TTC27: variants seen among roughly 807,000 people sequenced by gnomAD.
TTC27 encodes tetratricopeptide repeat domain 27.
In TTC27, 79 loss-of-function variants were observed where a neutral mutation model predicts 115.9. The observed-to-expected ratio is 0.68, with a 90% CI of 0.57 to 0.82. The LOEUF is 0.82. Among genes scored for constraint, TTC27 ranks in the 40% least tolerant of loss-of-function variants. The pLI, the probability that TTC27 is intolerant of heterozygous loss-of-function variation, is 0.00. For missense variants in TTC27, 1,054 were observed against 993.1 expected (o/e 1.06, Z -0.82); for synonymous variants, 401 against 356.0 (o/e 1.13, Z -1.42).
intron 18 of TTC27, among the ~76,000 whole-genome samples, chr2:32,814,405 G>A (rs1671421900): frequency 6.6e-6 from 1 of 152,214 alleles, no homozygotes; most frequent in African/African-American, 2.4e-5. Context: ...GCGTATTTGA[G>A]TGGATGCCCA....
chr2:32,690,555 G>A (rs1476227837), intron 9 of TTC27, among the ~76,000 whole-genome samples: 3 of 152,178 alleles, frequency 2.0e-5, no homozygotes, highest in Non-Finnish European at 4.4e-5. Flanking sequence ...ACTAAGGGAG[G>A]ACTTGAGTTG....
chr2:32,679,002 T>G, intron 9 of TTC27, 80 bp downstream of exon 9: 1 of 1,282,954 alleles, frequency 7.8e-7, no homozygotes, highest in South Asian at 1.3e-5. Flanking sequence ...CCTTGGATTG[T>G]TTATGTTGAA....
chr2:32,649,545 A>ATT (rs202170602), intron 4 of TTC27, among the ~76,000 whole-genome samples: 4 of 136,306 alleles, frequency 2.9e-5, no homozygotes, highest in Non-Finnish European at 6.4e-5. Context: ...TGAATACAAC[A>ATT]TTTTTTTTTT....
intron 12 of TTC27, among the ~76,000 whole-genome samples, chr2:32,755,202 A>T (rs534441282): frequency 6.6e-6 from 1 of 152,250 alleles, no homozygotes; most frequent in South Asian, 2.1e-4. Flanking sequence ...AGAGGCTGCA[A>T]TCTCGGCACT....
At position 32,820,924 on chromosome 2, in the gene TTC27, C is replaced by T. The variant is rs141198245; in HGVS notation, c.2518C>T (p.Arg840Ter). 828 of 1,520,196 alleles carry T rather than the reference C, an allele frequency of 5.4e-4. No individual in the cohort carries two copies. Among genetic ancestry groups the T allele is most frequent in the Non-Finnish European group, 6.9e-4 (776 of 1,127,838 alleles). 94.2% of individuals were successfully genotyped at this position (1,520,196 alleles called of 1,614,324 possible). A position where few individuals can be genotyped will look rare whatever the true frequency, so the allele number is the denominator to read the frequency against. The stretch of plus-strand genomic sequence containing the variant: ...GCTCCAAGACCTAAGCAACCAGTTT[C>T]GAAATCAGTATTGATTCTGCTGGAA... Reference protein sequence around the residue: ...TELQDLSNQFRNQY With the variant: ...TELQDLSNQF The change falls in exon 20 of 20, where the codon CGA becomes TGA. Residue 840 changes from arginine to a stop codon, truncating the protein, a stop_gained. Transcript: ENST00000317907. LOFTEE classifies it high-confidence loss of function.
intron 16 of TTC27, among the ~76,000 whole-genome samples, chr2:32,809,030 A>G (rs1158320346): frequency 6.6e-6 from 1 of 152,254 alleles, no homozygotes; most frequent in African/African-American, 2.4e-5. Flanking sequence ...ATGTGAATTT[A>G]CAGACAGAGA....
In TTC27 at chr2:32,732,488, C is replaced by A. The variant is rs865818552; in HGVS notation, c.1234-1340C>A. On this transcript the variant is annotated intron_variant, in intron 10 of 19. Transcript: ENST00000317907. ...TAGAGAACTTTCAATTTAGGAGAAGCCTCCCTGCTCAGAAACTGGTCTCCC... is the reference window on the plus strand; with the variant it reads ...TAGAGAACTTTCAATTTAGGAGAAGACTCCCTGCTCAGAAACTGGTCTCCC... 2.0e-5 allele frequency among the ~76,000 whole-genome samples: 3 copies of A among 152,280 alleles called. No homozygotes were observed. The Middle Eastern group carries it at 0.01, about 518-fold the overall frequency.
Position 32,702,789 on chromosome 2 carries a change from T to C in TTC27, c.1120-18T>C, listed in dbSNP as rs372251348. ...GCTTATCTCTTTTCTATGATTTTTT[T>C]CTTCCCGCTTCTATCAGTGTTTGCT... On this transcript the variant is annotated intron_variant, in intron 9 of 19. Coordinates refer to ENST00000317907, the MANE Select transcript of TTC27 (RefSeq NM_017735.5). 1.1e-5 allele frequency: 17 copies of C among 1,551,994 alleles called. No homozygotes were observed. The African/African-American group carries it at 1.9e-4, about 17-fold the overall frequency.
intron 13 of TTC27, among the ~76,000 whole-genome samples, chr2:32,772,168 G>A (rs966023070): frequency 1.3e-5 from 2 of 152,130 alleles, no homozygotes; most frequent in African/African-American, 2.4e-5. Flanking sequence ...CTAGCCCTCA[G>A]GGTAGCAAAC....
chr2:32,710,628 C>T (rs1035852506), intron 10 of TTC27, among the ~76,000 whole-genome samples: 2 of 151,520 alleles, frequency 1.3e-5, no homozygotes, highest in African/African-American at 4.8e-5. Flanking sequence ...CGGGTGTCAC[C>T]ATGTTGGCCA....
intron 16 of TTC27, among the ~76,000 whole-genome samples, chr2:32,808,423 G>C (rs902946215): frequency 1.3e-5 from 2 of 152,140 alleles, no homozygotes; most frequent in Admixed American, 1.3e-4. Context: ...ATGCAGATGG[G>C]GAGCGTGAAA....
At chr2:32,788,644 C>T (rs1469992678) in intron 16 of TTC27, among the ~76,000 whole-genome samples, 1 of 152,160 alleles carries the variant, frequency 6.6e-6, no homozygotes, top group Non-Finnish European at 1.5e-5. Context: ...TATACTTTAA[C>T]CCCAGTAATC....
intron 15 of TTC27, 24 bp from the exon 16 acceptor site, chr2:32,786,960 T>G (rs1253791466): frequency 2.5e-6 from 4 of 1,585,632 alleles, no homozygotes; most frequent in Non-Finnish European, 3.4e-6. Context: ...ATTATTGCTC[T>G]CTTTAAAATT....
chr2:32,632,201 G>A (rs1664246912), intron 2 of TTC27, among the ~76,000 whole-genome samples: 1 of 146,732 alleles, frequency 6.8e-6, no homozygotes, highest in Non-Finnish European at 1.5e-5. Context: ...TGTAGAGATG[G>A]TGTCTTGATA....
chr2:32,777,794 G>A lies in TTC27; in HGVS notation c.1681-88G>A, dbSNP rs187978057. ...AGCTCTGCATTCTTTCTAGGAGTGT[G>A]TTTGTTGATAGCATCTTAATAATTT... On this transcript the variant is annotated intron_variant, in intron 13 of 19. Transcript: ENST00000317907. 3 of 1,245,148 alleles carry A rather than the reference G, an allele frequency of 2.4e-6. No individual in the cohort carries two copies. The East Asian group carries it at 7.1e-5, about 30-fold the overall frequency. 77.1% of individuals were successfully genotyped at this position (1,245,148 alleles called of 1,614,324 possible). A position where few individuals can be genotyped will look rare whatever the true frequency, so the allele number is the denominator to read the frequency against.
intron 2 of TTC27, 105 bp downstream of exon 2, chr2:32,630,805 T>TGGTGTACCAAGTA (rs1664158339): frequency 9.4e-7 from 1 of 1,060,416 alleles, no homozygotes; most frequent in Non-Finnish European, 1.3e-6. Flanking sequence ...CCTTGCCTTA[T>TGGTGTACCAAGTA]ATTTTACTCA....
At chr2:32,778,984 G>A (rs1670085611) in intron 14 of TTC27, among the ~76,000 whole-genome samples, 1 of 152,212 alleles carries the variant, frequency 6.6e-6, no homozygotes, top group Admixed American at 6.5e-5. Context: ...AACACTTTGG[G>A]AGGCCAAGGC....
chr2:32,760,849 C>A (rs1447636031), intron 13 of TTC27, among the ~76,000 whole-genome samples: 6 of 152,138 alleles, frequency 3.9e-5, no homozygotes. Flanking sequence ...CTCAACACAT[C>A]AGCATTATCC....
Position 32,686,025 on chromosome 2 carries a change from T to TA in TTC27, c.1119+7109dup, listed in dbSNP as rs536372987. ...AAGTTCTTAGAATACAAGGTCAATATAAAAAAGTCAATTATATTTGCTAGC... is the reference window on the plus strand; with the variant it reads ...AAGTTCTTAGAATACAAGGTCAATATAAAAAAAGTCAATTATATTTGCTAGC... On this transcript the variant is annotated intron_variant, in intron 9 of 19. Coordinates refer to ENST00000317907, the MANE Select transcript of TTC27 (RefSeq NM_017735.5). Among the ~76,000 whole-genome samples, 18 of 152,304 alleles carry TA rather than the reference T, an allele frequency of 1.2e-4. No individual in the cohort carries two copies. The South Asian group carries it at 3.7e-3, about 32-fold the overall frequency.
Sources: gnomAD v4.1 joint callset for allele counts (sites outside exome capture counted in the v4.1 genomes callset) on GRCh38, gnomAD v4.1.1 for gene constraint, MANE v1.5 for transcripts, NCBI Gene and HGNC (gene_info 2026-07-23, HGNC 2026-07-21) for gene names.